Variants in SRRM3 observed in about 807,000 individuals in gnomAD.
The protein encoded by SRRM3 is serine/arginine repetitive matrix protein 3.
In SRRM3, 27 loss-of-function variants were observed where a neutral mutation model predicts 66.2. The ratio of observed to expected loss-of-function variants is 0.41; its 90% CI spans 0.30 to 0.56. The LOEUF is 0.56. Among genes scored for constraint, SRRM3 ranks in the 20% least tolerant of loss-of-function variants. The probability of loss-of-function intolerance (pLI) is 0.32; values close to 1 mark genes in which losing one functional copy is unlikely to be tolerated. For missense variants in SRRM3, 918 were observed against 991.9 expected (o/e 0.93, Z 1.00); for synonymous variants, 391 against 414.9 (o/e 0.94, Z 0.70).
chr7:76,236,024 A>AAAAAAAAAAAAAAAAC (rs1801142306), intron 2 of SRRM3, among the ~76,000 whole-genome samples: 1 of 145,052 alleles, frequency 6.9e-6, no homozygotes, highest in Non-Finnish European at 1.5e-5. Flanking sequence ...AAAAAAAAAA[A>AAAAAAAAAAAAAAAAC]AAAAAAGGCC....
intron 1 of SRRM3, among the ~76,000 whole-genome samples, chr7:76,224,183 G>A (rs1360435282): frequency 5.2e-5 from 7 of 135,696 alleles, no homozygotes; most frequent in Admixed American, 7.9e-5. Context: ...GGGTTCAAGC[G>A]ATTCCCCTGC....
At chr7:76,211,132 C>T (rs1398232710) in intron 1 of SRRM3, among the ~76,000 whole-genome samples, 1 of 152,144 alleles carries the variant, frequency 6.6e-6, no homozygotes, top group Admixed American at 6.5e-5. Context: ...TTTAGATGGA[C>T]TAGGGGTTAT....
chr7:76,249,337 G>A (rs368883810), intron 3 of SRRM3, among the ~76,000 whole-genome samples: 3 of 151,212 alleles, frequency 2.0e-5, no homozygotes, highest in Admixed American at 1.3e-4. Flanking sequence ...AGTGAGCCGC[G>A]CCACTGCACT....
At chr7:76,215,111 T>C (rs1554602365) in intron 1 of SRRM3, among the ~76,000 whole-genome samples, 2 of 151,076 alleles carry the variant, frequency 1.3e-5, no homozygotes, top group African/African-American at 4.9e-5. Flanking sequence ...TATTAAACTG[T>C]GATAAAATGA....
chr7:76,245,460 A>G (rs1178803437), intron 2 of SRRM3, among the ~76,000 whole-genome samples: 1 of 152,202 alleles, frequency 6.6e-6, no homozygotes, highest in Non-Finnish European at 1.5e-5. Context: ...AAAATTTAAT[A>G]TACATAGTAG....
At chr7:76,222,523 G>A (rs1207068332) in intron 1 of SRRM3, among the ~76,000 whole-genome samples, 1 of 151,672 alleles carries the variant, frequency 6.6e-6, no homozygotes, top group African/African-American at 2.4e-5. Flanking sequence ...GTGGTCCTAG[G>A]TCCTCAGCCT....
In SRRM3 at chr7:76,267,409, C is replaced by G; in HGVS notation, c.982C>G (p.Pro328Ala). ...GQRSGAHGGR[P>A]GSAHSPPDKP... is the part of the protein sequence containing the mutation. ...GCGGAGCGGAGCGCACGGGGGCCGC[C>G]CCGGCTCGGCGCACAGCCCGCCCGA... Residue 328 changes from proline to alanine, a missense_variant, in exon 11 of 15, where the codon CCC becomes GCC. Pro to Ala is a conservative substitution (Grantham distance 27). Transcript: ENST00000611745. The G allele has an allele frequency of 3.6e-6, 5 of 1,385,178 alleles. No homozygotes were observed. The highest frequency in any genetic ancestry group is 4.6e-6 in the Non-Finnish European group (5 of 1,075,336). 85.8% of individuals were successfully genotyped at this position (1,385,178 alleles called of 1,614,324 possible).
intron 2 of SRRM3, among the ~76,000 whole-genome samples, chr7:76,246,702 G>T (rs1048575395): frequency 2.6e-5 from 4 of 152,150 alleles, no homozygotes; most frequent in African/African-American, 7.2e-5. Context: ...GGAGAAGCTG[G>T]GGACCCCGGG....
At chr7:76,241,490 C>T (rs1432870095) in intron 2 of SRRM3, among the ~76,000 whole-genome samples, 2 of 152,126 alleles carry the variant, frequency 1.3e-5, no homozygotes, top group Non-Finnish European at 2.9e-5. Flanking sequence ...TCAGTTGCTA[C>T]TATTTATTTA....
intron 2 of SRRM3, among the ~76,000 whole-genome samples, chr7:76,245,816 C>T (rs1213153309): frequency 5.3e-5 from 8 of 152,184 alleles, no homozygotes; most frequent in African/African-American, 1.9e-4. Flanking sequence ...CTGCCTCGGC[C>T]TCGTGGGTAG....
intron 1 of SRRM3, among the ~76,000 whole-genome samples, chr7:76,215,634 T>C (rs1466214326): frequency 1.4e-5 from 2 of 147,138 alleles, no homozygotes; most frequent in East Asian, 2.0e-4. Flanking sequence ...GGTTTTTTTT[T>C]TTTTTTTTTT....
chr7:76,211,347 A>G (rs545724036), intron 1 of SRRM3, among the ~76,000 whole-genome samples: 1 of 119,590 alleles, frequency 8.4e-6, no homozygotes, highest in East Asian at 2.8e-4. Context: ...GGGGAACAGC[A>G]TGGCTGGAGT....
chr7:76,283,230 C>G, intron 14 of SRRM3, 129 bp downstream of exon 14: 1 of 1,095,742 alleles, frequency 9.1e-7, no homozygotes, highest in South Asian at 2.1e-5. Context: ...GGGGGGGGTG[C>G]TAAGGGACAA....
At chr7:76,252,997 C>T (rs1474648686) in intron 3 of SRRM3, among the ~76,000 whole-genome samples, 1 of 150,928 alleles carries the variant, frequency 6.6e-6, no homozygotes, top group Admixed American at 6.6e-5. Context: ...AACCCCGACT[C>T]TACTAAAAAT....
chr7:76,281,955 ACCC>A (rs1161648468), intron 12 of SRRM3, among the ~76,000 whole-genome samples, 153 bp downstream of exon 12: 1 of 26,066 alleles, frequency 3.8e-5, no homozygotes, highest in Admixed American at 5.4e-4. Context: ...CATGGATTCC[ACCC>A]CCCCATGAGC....
intron 8 of SRRM3, among the ~76,000 whole-genome samples, 162 bp downstream of exon 8, chr7:76,261,743 G>C (rs1207905859): frequency 6.6e-6 from 1 of 151,978 alleles, no homozygotes; most frequent in Non-Finnish European, 1.5e-5. Flanking sequence ...AGTGGAGAAG[G>C]AGCATGAAAA....
intron 1 of SRRM3, among the ~76,000 whole-genome samples, chr7:76,234,762 C>T (rs1801099176): frequency 6.6e-6 from 1 of 152,140 alleles, no homozygotes. Flanking sequence ...TGACACGATT[C>T]CCAGCCAATG....
In SRRM3 at chr7:76,223,082, C is replaced by T. The variant is rs146877604; in HGVS notation, c.-39-11946C>T. ...TAGCTATGCTCCTCTCCTGACGCAC[C>T]CCAGCTGTTAGATGTCTCTGCCATG... On this transcript the variant is annotated intron_variant, in intron 1 of 14. Coordinates refer to ENST00000611745, the MANE Select transcript of SRRM3 (RefSeq NM_001110199.3). Among the ~76,000 whole-genome samples the T allele has an allele frequency of 1.2e-4, 18 of 152,286 alleles. No individual in the cohort carries two copies. In the East Asian group the frequency reaches 3.5e-3, roughly 29 times the overall value.
chr7:76,233,440 G>T (rs1480852139), intron 1 of SRRM3, among the ~76,000 whole-genome samples: 1 of 152,174 alleles, frequency 6.6e-6, no homozygotes, highest in Admixed American at 6.6e-5. Flanking sequence ...AGATAGAGGG[G>T]TCACCCATGA....
Sources: gnomAD v4.1 joint callset for allele counts (sites outside exome capture counted in the v4.1 genomes callset) on GRCh38, gnomAD v4.1.1 for gene constraint, MANE v1.5 for transcripts, NCBI Gene and HGNC (gene_info 2026-07-23, HGNC 2026-07-21) for gene names.